Variants in CAND1 observed in about 807,000 individuals in gnomAD.
The protein encoded by CAND1 is cullin-associated NEDD8-dissociated protein 1.
A neutral mutation model predicts 108.5 loss-of-function variants in CAND1; 7 were observed. That is an observed-to-expected ratio of 0.06 (90% CI 0.04 to 0.12). The LOEUF (loss-of-function observed/expected upper bound fraction) is 0.12. CAND1 is among the 10% of genes least tolerant of loss of function. CAND1 has a pLI of 1.00. For synonymous variants in CAND1, 534 were observed against 512.0 expected, an observed-to-expected ratio of 1.04 and a Z score of -0.58; for missense variants, 941 against 1,448.7, an observed-to-expected ratio of 0.65 and a Z score of 5.69.
At chr12:67,303,013 A>C (rs1438940655) in intron 8 of CAND1, among the ~76,000 whole-genome samples, 1 of 152,210 alleles carries the variant, frequency 6.6e-6, no homozygotes. Flanking sequence ...ACGTACTTAG[A>C]AATATCTACC....
chr12:67,304,554 C>G (rs1478902063), intron 8 of CAND1, 51 bp from the exon 9 acceptor site: 1 of 1,577,434 alleles, frequency 6.3e-7, no homozygotes, highest in East Asian at 2.2e-5. Context: ...GTTAAGTGTA[C>G]TGAGGAAATA....
At chr12:67,287,091 G>T (rs1280576719) in intron 2 of CAND1, among the ~76,000 whole-genome samples, 2 of 152,084 alleles carry the variant, frequency 1.3e-5, no homozygotes, top group Admixed American at 1.3e-4. Context: ...TACTCTTTGG[G>T]CCAGATAATT....
rs1202756391 is a variant in CAND1 at position 67,312,880 on chromosome 12, A to G, written c.*50A>G. 4 of 1,150,510 alleles carry G rather than the reference A, an allele frequency of 3.5e-6. No individual in the cohort carries two copies. The highest frequency in any genetic ancestry group is 3.1e-5 in the African/African-American group (2 of 64,814). The allele number at this position is 1,150,510 out of a possible 1,614,324, so 71.3% of individuals were successfully genotyped here. On this transcript the variant is annotated 3_prime_UTR_variant, in exon 15 of 15. Transcript: ENST00000545606. The stretch of plus-strand genomic sequence containing the variant: ...TACATATGACCATACAATGCACTGA[A>G]TTGACAGGTTAATCATAAGACATGG...
Position 67,302,416 on chromosome 12 carries a change from A to G in CAND1, c.1094A>G (p.His365Arg), listed in dbSNP as rs1280195798. ...TTGGATGCTGTAGTTAGCACAAGGC[A>G]TGAAATGCTTCCAGAATTCTACAAG... is the stretch of plus-strand genomic sequence containing the variant. ...KCLDAVVSTR[H>R]EMLPEFYKTV... Residue 365 changes from histidine to arginine, a missense_variant, in exon 8 of 15, where the codon CAT (histidine) becomes CGT (arginine). By Grantham distance (29) the His-to-Arg change is conservative. Around this residue, in one of 9 missense-constraint regions of CAND1, gnomAD observed 697 missense variants for 942.0 expected, o/e 0.74. Coordinates refer to ENST00000545606, the MANE Select transcript of CAND1 (RefSeq NM_018448.5). 2 of 1,614,134 alleles carry G rather than the reference A, an allele frequency of 1.2e-6. No homozygotes were observed. The highest frequency in any genetic ancestry group is 1.1e-5 in the South Asian group (1 of 91,080).
chr12:67,275,888 A>G (rs571547923), intron 1 of CAND1, among the ~76,000 whole-genome samples: 42 of 152,342 alleles, frequency 2.8e-4, no homozygotes, highest in African/African-American at 9.6e-4. Context: ...CCTACAGGTC[A>G]TATCAACCTG....
chr12:67,287,927 AT>A (rs543142015), intron 2 of CAND1, among the ~76,000 whole-genome samples: 1 of 78,030 alleles, frequency 1.3e-5, no homozygotes, highest in Non-Finnish European at 2.8e-5. Context: ...GAGGTTATCT[AT>A]TTTTTTACTG....
chr12:67,270,055 C>T, intron 1 of CAND1: 2 of 449,284 alleles, frequency 4.5e-6, no homozygotes, highest in Non-Finnish European at 7.8e-6. Context: ...CACATCCTTC[C>T]CTGCCCCACC....
intron 1 of CAND1, among the ~76,000 whole-genome samples, chr12:67,273,038 C>T (rs892215758): frequency 2.6e-5 from 4 of 152,098 alleles, no homozygotes; most frequent in Non-Finnish European, 5.9e-5. Context: ...AGACTAGGAG[C>T]TCTTTTATTA....
Position 67,269,626 on chromosome 12 carries a change from G to T in CAND1, c.-92G>T. On this transcript the variant is annotated 5_prime_UTR_variant, in exon 1 of 15. Transcript: ENST00000545606. ...CCTGGAAGCGGGAGCCGCCGCGAGC[G>T]AGAGGAGGAGCTCCAGTGGCGGCGG... 8.8e-7 allele frequency: 1 copy of T among 1,133,426 alleles called. No homozygotes were observed. Among genetic ancestry groups the T allele is most frequent in the Non-Finnish European group, 1.3e-6 (1 of 776,888 alleles). The allele number at this position is 1,133,426 out of a possible 1,614,324, so 70.2% of individuals were successfully genotyped here. A position where few individuals can be genotyped will look rare whatever the true frequency, so the allele number is the denominator to read the frequency against.
In CAND1 at chr12:67,301,176, A is replaced by C. The variant is rs562241224; in HGVS notation, c.1001-1147A>C. On this transcript the variant is annotated intron_variant, in intron 7 of 14. Transcript: ENST00000545606. ...ACTTTATTTGAATAGATATTGGTAA[A>C]TAAGCAAACGTCTTGCATTTAGCAG... 1.0e-3 allele frequency among the ~76,000 whole-genome samples: 157 copies of C among 152,294 alleles called. 1 individual carries two copies. The highest frequency in any genetic ancestry group is 3.8e-3 in the African/African-American group (156 of 41,582).
At chr12:67,279,271 G>C (rs2135992631) in intron 1 of CAND1, among the ~76,000 whole-genome samples, 1 of 152,130 alleles carries the variant, frequency 6.6e-6, no homozygotes, top group East Asian at 1.9e-4. Flanking sequence ...CAACTCTTGG[G>C]TGTGATAATT....
At chr12:67,278,762 G>C (rs892391593) in intron 1 of CAND1, among the ~76,000 whole-genome samples, 3 of 151,102 alleles carry the variant, frequency 2.0e-5, no homozygotes, top group Non-Finnish European at 4.4e-5. Flanking sequence ...CAGGAGATCT[G>C]CCTGCCTTGG....
In CAND1 at chr12:67,312,865, C is replaced by A; in HGVS notation, c.*35C>A. On this transcript the variant is annotated 3_prime_UTR_variant, in exon 15 of 15. Coordinates refer to ENST00000545606, the MANE Select transcript of CAND1 (RefSeq NM_018448.5). ...CACCATGGGGACCATTACATATGACCATACAATGCACTGAATTGACAGGTT... is the reference window on the plus strand; with the variant it reads ...CACCATGGGGACCATTACATATGACAATACAATGCACTGAATTGACAGGTT... 1 of 1,296,692 alleles carries A rather than the reference C, an allele frequency of 7.7e-7. No individual in the cohort carries two copies. The highest frequency in any genetic ancestry group is 1.1e-6 in the Non-Finnish European group (1 of 915,732). The allele number at this position is 1,296,692 out of a possible 1,614,324, so 80.3% of individuals were successfully genotyped here.
chr12:67,272,719 G>T (rs2044532080), intron 1 of CAND1, among the ~76,000 whole-genome samples: 1 of 151,864 alleles, frequency 6.6e-6, no homozygotes, highest in Non-Finnish European at 1.5e-5. Flanking sequence ...GTTTTTTTGA[G>T]ATGGAGTCTT....
Position 67,314,850 on chromosome 12 carries a change from A to G in CAND1, c.*2020A>G, listed in dbSNP as rs1471609064. ...TCTTTTATGGCTTTAGTGTTTATAT[A>G]CCTGTTTATATGCATACATTAACAA... On this transcript the variant is annotated 3_prime_UTR_variant, in exon 15 of 15. Transcript: ENST00000545606. 6.6e-6 allele frequency: 1 copy of G among 152,146 alleles called. No homozygotes were observed. The highest frequency in any genetic ancestry group is 1.9e-4 in the East Asian group (1 of 5,198). 9.4% of individuals were successfully genotyped at this position (152,146 alleles called of 1,614,324 possible). A position where few individuals can be genotyped will look rare whatever the true frequency, so the allele number is the denominator to read the frequency against.
In CAND1 at chr12:67,313,643, A is replaced by G. The variant is rs534449045; in HGVS notation, c.*813A>G. On this transcript the variant is annotated 3_prime_UTR_variant, in exon 15 of 15. Transcript: ENST00000545606. ...TTTCAGAAAATCAAGTCACAGTAACAATTTGCCACTTTTTTCTATTATAAA... is the reference window on the plus strand; with the variant it reads ...TTTCAGAAAATCAAGTCACAGTAACGATTTGCCACTTTTTTCTATTATAAA... 1.6e-4 allele frequency: 24 copies of G among 152,512 alleles called. No homozygotes were observed. The highest frequency in any genetic ancestry group is 3.2e-4 in the Non-Finnish European group (22 of 67,994). 9.4% of individuals were successfully genotyped at this position (152,512 alleles called of 1,614,324 possible).
Position 67,269,903 on chromosome 12 carries a change from T to C in CAND1, c.68+118T>C, listed in dbSNP as rs928310160. Reference sequence around the variant, plus strand: ...AGCCGGTAGCTTCTCTGCCCCGAAGTCTCCAGCCCACCGGTCCGCTGGCCT... The same window carrying C: ...AGCCGGTAGCTTCTCTGCCCCGAAGCCTCCAGCCCACCGGTCCGCTGGCCT... On this transcript the variant is annotated intron_variant, in intron 1 of 14. Transcript: ENST00000545606. 3 of 776,108 alleles carry C rather than the reference T, an allele frequency of 3.9e-6. No individual in the cohort carries two copies. In the African/African-American group the frequency reaches 5.5e-5, roughly 14 times the overall value. 48.1% of individuals were successfully genotyped at this position (776,108 alleles called of 1,614,324 possible).
rs1434810726 is a variant in CAND1 at position 67,305,111 on chromosome 12, T to C, written c.1443T>C (p.Ile481=). The C allele has an allele frequency of 2.5e-5, 40 of 1,605,758 alleles. No individual in the cohort carries two copies. The highest frequency in any genetic ancestry group is 2.9e-5 in the Non-Finnish European group (34 of 1,176,244). ...TTTTTGTTGGCTTTTTAGGAATCAT[T>C]TTCTCACTGAATGATAAATCAAGCT... ...QHIPVLVPGI[I]FSLNDKSSSS... Residue 481 remains isoleucine, a synonymous_variant, in exon 10 of 15, where the codon ATT becomes ATC. Transcript: ENST00000545606. The surrounding 1 kb of genome is among the most constrained non-coding windows in gnomAD (Gnocchi z 4.4).
At chr12:67,295,512 G>C (rs2044761095) in intron 4 of CAND1, among the ~76,000 whole-genome samples, 1 of 152,190 alleles carries the variant, frequency 6.6e-6, no homozygotes, top group Admixed American at 6.5e-5. Flanking sequence ...CCGGTTAAAA[G>C]AATGCTGGTA....
Sources: gnomAD v4.1 joint callset for allele counts (sites outside exome capture counted in the v4.1 genomes callset) on GRCh38, gnomAD v4.1.1 for gene constraint, gnomAD v4.1.1 regional missense constraint, Gnocchi (gnomAD v3.1) non-coding constraint, MANE v1.5 for transcripts, NCBI Gene and HGNC (gene_info 2026-07-23, HGNC 2026-07-21) for gene names.